The following DLC1 variants were observed in gnomAD, a reference collection of about 807,000 sequenced individuals.
DLC1 encodes rho GTPase-activating protein 7.
In DLC1, 54 loss-of-function variants were observed where a neutral mutation model predicts 140.3. The observed-to-expected ratio is 0.38, with a 90% CI of 0.31 to 0.48. DLC1 has a LOEUF of 0.48. Among genes scored for constraint, DLC1 ranks in the 20% least tolerant of loss-of-function variants. DLC1 has a pLI of 0.96. For missense variants in DLC1, 2,536 were observed against 1,907.0 expected, an observed-to-expected ratio of 1.33 and a Z score of -6.14; for synonymous variants, 986 against 728.1, an observed-to-expected ratio of 1.35 and a Z score of -5.70.
Position 13,448,417 on chromosome 8 carries a change from G to A in DLC1, c.1024-46798C>T, listed in dbSNP as rs944330056. Among the ~76,000 whole-genome samples, 15 of 150,382 alleles carry A rather than the reference G, an allele frequency of 1.0e-4. No individual in the cohort carries two copies. The East Asian group carries it at 3.0e-3, about 30-fold the overall frequency. ...CTCGCTCTGTCACCCAGGCTGGAGT[G>A]CAGTGGTGCAATCTTGGCCCACTGC... is the stretch of plus-strand genomic sequence containing the variant. On this transcript the variant is annotated intron_variant, in intron 2 of 17. Transcript: ENST00000276297.
chr8:13,469,961 G>A (rs1800132235), intron 2 of DLC1, among the ~76,000 whole-genome samples: 2 of 152,144 alleles, frequency 1.3e-5, no homozygotes, highest in South Asian at 4.1e-4. Flanking sequence ...AGGCAGGGCA[G>A]CTTATTTTGT....
chr8:13,260,704 A>G (rs1830439459), intron 5 of DLC1, among the ~76,000 whole-genome samples: 2 of 152,304 alleles, frequency 1.3e-5, no homozygotes, highest in African/African-American at 2.4e-5. Flanking sequence ...ATTTATATAT[A>G]TGGTACTTTG....
intron 5 of DLC1, among the ~76,000 whole-genome samples, chr8:13,277,209 G>T (rs1253439417): frequency 3.3e-5 from 5 of 152,136 alleles, no homozygotes; most frequent in Non-Finnish European, 7.3e-5. Context: ...CTGCTTGGGA[G>T]GCTGAGAGGG....
At chr8:13,434,934 C>A (rs947347554) in intron 2 of DLC1, among the ~76,000 whole-genome samples, 4 of 152,080 alleles carry the variant, frequency 2.6e-5, no homozygotes, top group Non-Finnish European at 5.9e-5. Context: ...CCCGCCTTGG[C>A]CTCCCAAAAT....
intron 3 of DLC1, among the ~76,000 whole-genome samples, chr8:13,398,879 A>C (rs1837169421): frequency 6.6e-6 from 1 of 152,216 alleles, no homozygotes; most frequent in Admixed American, 6.5e-5. Context: ...AGCTATTTGC[A>C]GGTGTGATGC....
rs772364624 is a variant in DLC1, at chr8:13,098,538, G to A, written c.3028C>T (p.Arg1010Trp). ...LRWHSFQSSH[R>W]PSLNSVSLQI... Reference sequence around the variant, plus strand: ...AGTGATACAGAGTTGAGGCTTGGCCGATGTGAGCTCTGGAAACTGTGCCAT... The same window carrying A: ...AGTGATACAGAGTTGAGGCTTGGCCAATGTGAGCTCTGGAAACTGTGCCAT... The change falls in exon 10 of 18, where the codon CGG becomes TGG. Residue 1010 changes from arginine (R) to tryptophan (W), a missense_variant. Transcript: ENST00000276297. The A allele has an allele frequency of 3.4e-5, 55 of 1,614,068 alleles. No homozygotes were observed. The highest frequency in any genetic ancestry group is 4.6e-5 in the Non-Finnish European group (54 of 1,180,014).
In DLC1 at chr8:13,453,517, T is replaced by TATATATATGTATATATATATAC. The variant is rs1166906258; in HGVS notation, c.1023+45531_1023+45532insGTATATATATATACATATATAT. ...ATATATATATGTATATATATATACA[T>TATATATATGTATATATATATAC]ATATATATATGTATATATATACATA... On this transcript the variant is annotated intron_variant, in intron 2 of 17. Transcript: ENST00000276297. Among the ~76,000 whole-genome samples the TATATATATGTATATATATATAC allele has an allele frequency of 7.6e-3, 200 of 26,484 alleles. 23 individuals are homozygous for TATATATATGTATATATATATAC. The highest frequency in any genetic ancestry group is 0.019 in the African/African-American group (144 of 7,422). 17.4% of individuals were successfully genotyped at this position (26,484 alleles called of 152,430 possible).
At chr8:13,394,207 A>T (rs1836910128) in intron 3 of DLC1, among the ~76,000 whole-genome samples, 2 of 152,206 alleles carry the variant, frequency 1.3e-5, no homozygotes, top group Non-Finnish European at 1.5e-5. Flanking sequence ...GGAATATTTG[A>T]GCTGAAATGT....
At chr8:13,190,273 C>A (rs775677300) in intron 5 of DLC1, among the ~76,000 whole-genome samples, 1 of 152,068 alleles carries the variant, frequency 6.6e-6, no homozygotes, top group Non-Finnish European at 1.5e-5. Flanking sequence ...TGTGGCTACC[C>A]TCTTGGCCAT....
At chr8:13,552,773 T>C (rs1055612796) in intron 1 of DLC1, among the ~76,000 whole-genome samples, 8 of 152,056 alleles carry the variant, frequency 5.3e-5, no homozygotes, top group Admixed American at 3.9e-4. Context: ...TATTTTTTTA[T>C]TTTTTGAAAA....
intron 1 of DLC1, among the ~76,000 whole-genome samples, chr8:13,589,680 G>C (rs1039639866): frequency 9.7e-6 from 1 of 103,214 alleles, no homozygotes; most frequent in Non-Finnish European, 2.1e-5. Flanking sequence ...GTTCTATATA[G>C]AATGCTCTGT....
chr8:13,098,636 T>A, intron 9 of DLC1, 61 bp from the exon 10 acceptor site: 1 of 1,510,042 alleles, frequency 6.6e-7, no homozygotes, highest in East Asian at 2.4e-5. Context: ...TTATTTATTT[T>A]ATTTTTTCTT....
At chr8:13,228,600 A>G (rs990391115) in intron 5 of DLC1, among the ~76,000 whole-genome samples, 1 of 152,254 alleles carries the variant, frequency 6.6e-6, no homozygotes, top group East Asian at 1.9e-4. Flanking sequence ...AAATAAAAAA[A>G]TTAGCCCAGC....
At chr8:13,164,511 C>G (rs1205712008) in intron 5 of DLC1, among the ~76,000 whole-genome samples, 2 of 152,098 alleles carry the variant, frequency 1.3e-5, no homozygotes, top group Non-Finnish European at 2.9e-5. Flanking sequence ...CTTGTTTTCT[C>G]TCATCTTCCT....
intron 5 of DLC1, among the ~76,000 whole-genome samples, chr8:13,182,289 T>C (rs556720775): frequency 7.2e-5 from 11 of 152,316 alleles, no homozygotes; most frequent in East Asian, 1.9e-4. Flanking sequence ...ACTCTGATTG[T>C]AGTTTCTTTT....
chr8:13,278,681 C>A (rs1298859542), intron 5 of DLC1, among the ~76,000 whole-genome samples: 1 of 152,104 alleles, frequency 6.6e-6, no homozygotes, highest in African/African-American at 2.4e-5. Flanking sequence ...TCACTCCCAG[C>A]ATGAATATCA....
chr8:13,545,434 G>A (rs1803621054), intron 1 of DLC1, among the ~76,000 whole-genome samples: 1 of 151,912 alleles, frequency 6.6e-6, no homozygotes, highest in Non-Finnish European at 1.5e-5. Context: ...ATCTTTGCCG[G>A]CCAATATTCA....
chr8:13,134,640 C>T (rs1387588058), intron 5 of DLC1, among the ~76,000 whole-genome samples: 1 of 152,058 alleles, frequency 6.6e-6, no homozygotes. Context: ...GACTCTTCTC[C>T]CATTTCCCTC....
At chr8:13,465,763 A>C (rs941062922) in intron 2 of DLC1, among the ~76,000 whole-genome samples, 1 of 152,168 alleles carries the variant, frequency 6.6e-6, no homozygotes, top group Non-Finnish European at 1.5e-5. Context: ...CTTTTCTAAG[A>C]AATAACTTTT....
Sources: gnomAD v4.1 joint callset for allele counts (sites outside exome capture counted in the v4.1 genomes callset) on GRCh38, gnomAD v4.1.1 for gene constraint, MANE v1.5 for transcripts, NCBI Gene and HGNC (gene_info 2026-07-23, HGNC 2026-07-21) for gene names.